LRP1B: variants seen among roughly 807,000 people sequenced by gnomAD.
LRP1B encodes the protein low-density lipoprotein receptor-related protein 1B.
In LRP1B, 217 loss-of-function variants were observed where a neutral mutation model predicts 556.6. The observed-to-expected ratio is 0.39, with a 90% CI of 0.35 to 0.44. The LOEUF (loss-of-function observed/expected upper bound fraction) is 0.44. LRP1B is among the 20% of genes least tolerant of loss of function. LRP1B has a pLI of 1.00. For missense variants in LRP1B, 5,053 were observed against 5,620.8 expected (o/e 0.90, Z 3.23); for synonymous variants, 2,047 against 1,865.8 (o/e 1.10, Z -2.50).
intron 7 of LRP1B, among the ~76,000 whole-genome samples, chr2:141,126,733 T>G (rs996841373): frequency 6.6e-6 from 1 of 152,166 alleles, no homozygotes; most frequent in Non-Finnish European, 1.5e-5. Context: ...CCAAAATATG[T>G]GCTCTCTCCA....
chr2:141,116,385 A>T (rs4954887), intron 7 of LRP1B, among the ~76,000 whole-genome samples: 136,485 of 152,214 alleles, frequency 0.9, 61,622 homozygotes, highest in East Asian at 0.99. Flanking sequence ...ATCGTTTCTG[A>T]TAATATTCCT....
In LRP1B at chr2:140,994,004, C is replaced by A. The variant is rs201368536; in HGVS notation, c.2635G>T (p.Val879Leu). ...DCLDGSDEDSVNCFNHSCPDD... is the reference protein window; with the variant it reads ...DCLDGSDEDSLNCFNHSCPDD... The stretch of plus-strand genomic sequence containing the variant: ...TTGGAAGAGAACATACAGCAGTTTA[C>A]TGAATCCTCATCGCTTCCGTCTAGG... Residue 879 changes from valine (V) to leucine (L), a missense_variant, in exon 16 of 91, where the codon GTA becomes TTA. Transcript: ENST00000389484. The A allele has an allele frequency of 2.5e-6, 4 of 1,612,322 alleles. No individual in the cohort carries two copies.
intron 41 of LRP1B, among the ~76,000 whole-genome samples, chr2:140,606,582 A>G (rs1457707107): frequency 6.6e-6 from 1 of 152,038 alleles, no homozygotes; most frequent in Non-Finnish European, 1.5e-5. Context: ...AAACAAAGTT[A>G]GTGGGCTCAC....
intron 3 of LRP1B, among the ~76,000 whole-genome samples, chr2:141,469,336 T>A (rs1682368992): frequency 6.6e-6 from 1 of 152,236 alleles, no homozygotes; most frequent in African/African-American, 2.4e-5. Flanking sequence ...TTCAGAATAT[T>A]ACTTAATGTA....
intron 1 of LRP1B, among the ~76,000 whole-genome samples, chr2:141,876,627 C>T (rs996839272): frequency 6.1e-5 from 9 of 147,036 alleles, no homozygotes; most frequent in African/African-American, 2.2e-4. Flanking sequence ...AATATTACCA[C>T]TCATTTTTTT....
At chr2:140,826,768 A>G (rs992098382) in intron 31 of LRP1B, among the ~76,000 whole-genome samples, 4 of 152,172 alleles carry the variant, frequency 2.6e-5, no homozygotes, top group Non-Finnish European at 4.4e-5. Context: ...ACCCACAGGA[A>G]GAATCATGAG....
chr2:141,683,649 A>G (rs754945919), intron 2 of LRP1B, among the ~76,000 whole-genome samples: 1 of 152,134 alleles, frequency 6.6e-6, no homozygotes, highest in Non-Finnish European at 1.5e-5. Context: ...ATGCAAAAGG[A>G]AAGAAATAAA....
chr2:142,008,192 C>A (rs1702854748), intron 1 of LRP1B, among the ~76,000 whole-genome samples: 1 of 152,194 alleles, frequency 6.6e-6, no homozygotes, highest in Admixed American at 6.5e-5. Flanking sequence ...ATTTGAGATC[C>A]TGTTTCACCA....
intron 2 of LRP1B, among the ~76,000 whole-genome samples, chr2:141,704,250 T>C (rs956870324): frequency 6.6e-6 from 1 of 152,000 alleles, no homozygotes; most frequent in African/African-American, 2.4e-5. Context: ...ATTGCACTTC[T>C]TTTCCGTTTC....
intron 2 of LRP1B, among the ~76,000 whole-genome samples, chr2:141,508,880 T>C (rs780656346): frequency 1.3e-5 from 2 of 152,114 alleles, no homozygotes; most frequent in Non-Finnish European, 2.9e-5. Flanking sequence ...TATGGAAAGA[T>C]AATTTGTCCT....
At chr2:141,659,820 A>G (rs751636705) in intron 2 of LRP1B, among the ~76,000 whole-genome samples, 1 of 152,218 alleles carries the variant, frequency 6.6e-6, no homozygotes, top group Admixed American at 6.5e-5. Flanking sequence ...TCAAAACACT[A>G]TAACAAAAAT....
intron 1 of LRP1B, among the ~76,000 whole-genome samples, chr2:142,017,624 G>C (rs940994949): frequency 1.3e-5 from 2 of 152,106 alleles, no homozygotes; most frequent in South Asian, 4.2e-4. Context: ...GGTAATCCCA[G>C]CACTTTGGGA....
intron 41 of LRP1B, among the ~76,000 whole-genome samples, chr2:140,672,707 A>C (rs562833553): frequency 6.6e-6 from 1 of 152,054 alleles, no homozygotes; most frequent in South Asian, 2.1e-4. Flanking sequence ...TGGGAGTCTT[A>C]CAGTCTTCTT....
At chr2:140,985,328 A>ATTTTC (rs1696887734) in intron 17 of LRP1B, among the ~76,000 whole-genome samples, 1 of 151,220 alleles carries the variant, frequency 6.6e-6, no homozygotes, top group South Asian at 2.1e-4. Context: ...GAAAAGTCTA[A>ATTTTC]TTTTTAAATA....
At chr2:141,873,252 T>C (rs1330776097) in intron 1 of LRP1B, among the ~76,000 whole-genome samples, 2 of 151,944 alleles carry the variant, frequency 1.3e-5, no homozygotes, top group Non-Finnish European at 2.9e-5. Context: ...GTCAAGGAGT[T>C]TGAGACCAGA....
At chr2:141,635,437 A>G (rs1208768038) in intron 2 of LRP1B, among the ~76,000 whole-genome samples, 1 of 152,128 alleles carries the variant, frequency 6.6e-6, no homozygotes, top group African/African-American at 2.4e-5. Context: ...AGTCTGCTGT[A>G]TTTTGCTTGA....
chr2:141,568,449 A>C (rs1329482344), intron 2 of LRP1B, among the ~76,000 whole-genome samples: 3 of 151,132 alleles, frequency 2.0e-5, no homozygotes, highest in African/African-American at 7.3e-5. Flanking sequence ...GTTGAATATA[A>C]GAAAGAAGTT....
At chr2:140,900,415 C>T (rs1694071881) in intron 23 of LRP1B, among the ~76,000 whole-genome samples, 1 of 152,148 alleles carries the variant, frequency 6.6e-6, no homozygotes, top group African/African-American at 2.4e-5. Context: ...CAACAAATTG[C>T]TGTTTTTCAG....
At chr2:141,623,758 TG>T (rs1688591221) in intron 2 of LRP1B, among the ~76,000 whole-genome samples, 1 of 151,736 alleles carries the variant, frequency 6.6e-6, no homozygotes, top group African/African-American at 2.4e-5. Flanking sequence ...GGCTCAAGCC[TG>T]TAATCCCAGC....
Sources: allele counts gnomAD v4.1 joint callset (sites outside exome capture counted in the v4.1 genomes callset), GRCh38; gene constraint gnomAD v4.1.1; transcripts MANE v1.5; gene names NCBI Gene and HGNC (gene_info 2026-07-23, HGNC 2026-07-21).